MALT1: variants seen among roughly 807,000 people sequenced by gnomAD.
MALT1 encodes the protein MALT1 paracaspase.
A neutral mutation model predicts 85.5 loss-of-function variants in MALT1; 36 were observed. The observed-to-expected ratio is 0.42, with a 90% CI of 0.32 to 0.56. The LOEUF is 0.56. Among genes scored for constraint, MALT1 ranks in the 20% least tolerant of loss-of-function variants. MALT1 has a pLI of 0.10. For missense variants in MALT1, 716 were observed against 981.6 expected (o/e 0.73, Z 3.62); for synonymous variants, 359 against 361.3 (o/e 0.99, Z 0.07).
intron 9 of MALT1, among the ~76,000 whole-genome samples, chr18:58,717,746 CAAAAAAAAA>C (rs35207196): frequency 1.5e-4 from 15 of 100,558 alleles, no homozygotes; most frequent in African/African-American, 5.2e-4. Flanking sequence ...ACTCTTGTCT[CAAAAAAAAA>C]AAAAAAAAAA....
intron 10 of MALT1, among the ~76,000 whole-genome samples, chr18:58,729,034 A>C (rs1166981018): frequency 6.6e-6 from 1 of 152,220 alleles, no homozygotes. Flanking sequence ...AGAGACCTCC[A>C]GATCTGACCC....
chr18:58,677,213 T>G (rs2054253864), intron 1 of MALT1, among the ~76,000 whole-genome samples: 1 of 152,188 alleles, frequency 6.6e-6, no homozygotes, highest in African/African-American at 2.4e-5. Flanking sequence ...ATACAGAGTC[T>G]TCTTTTTCTC....
At chr18:58,680,479 C>G (rs1306431415) in intron 1 of MALT1, among the ~76,000 whole-genome samples, 3 of 152,072 alleles carry the variant, frequency 2.0e-5, no homozygotes, top group Non-Finnish European at 4.4e-5. Context: ...AACCTTGTAA[C>G]ACTGATTGTT....
intron 2 of MALT1, 77 bp from the exon 3 acceptor site, chr18:58,696,288 AT>A: frequency 8.7e-7 from 1 of 1,155,488 alleles, no homozygotes; most frequent in Non-Finnish European, 1.1e-6. Flanking sequence ...AAATGTTTCA[AT>A]TTTTGGTTTC....
chr18:58,750,976 TAAA>T lies in MALT1; in HGVS notation c.*3139_*3141del, dbSNP rs923567857. ...AATTTTTGAAAAATCATGTATCTGA[TAAA>T]AAAACAAACAAACATGCAGGTGCTC... On this transcript the variant is annotated 3_prime_UTR_variant, in exon 17 of 17. Transcript: ENST00000649217. The T allele has an allele frequency of 2.6e-5, 4 of 152,108 alleles. No homozygotes were observed. The highest frequency in any genetic ancestry group is 1.9e-4 in the East Asian group (1 of 5,200). The allele number at this position is 152,108 out of a possible 1,614,324, so 9.4% of individuals were successfully genotyped here. A position where few individuals can be genotyped will look rare whatever the true frequency, so the allele number is the denominator to read the frequency against.
chr18:58,709,412 A>T lies in MALT1; in HGVS notation c.684A>T (p.Gln228His), dbSNP rs903827144. Residue 228 changes from glutamine (Q) to histidine (H), a missense_variant, in exon 5 of 17, where the codon CAA becomes CAT. Physicochemically the swap from Gln to His is conservative, Grantham distance 24. Around this residue, in one of 4 missense-constraint regions of MALT1, gnomAD observed 290 missense variants for 380.5 expected, o/e 0.76. Transcript: ENST00000649217. ...SVDGVSESKL[Q>H]ICVEPTSQKL... Reference sequence around the variant, plus strand: ...ATGGCGTCTCTGAATCCAAGTTGCAAATCTGTGTTGAACCAACTTCCCAAA... The same window carrying T: ...ATGGCGTCTCTGAATCCAAGTTGCATATCTGTGTTGAACCAACTTCCCAAA... 21 of 1,605,112 alleles carry T rather than the reference A, an allele frequency of 1.3e-5. No homozygotes were observed. The highest frequency in any genetic ancestry group is 1.6e-5 in the Non-Finnish European group (19 of 1,176,098).
At chr18:58,715,019 A>T (rs577850937) in intron 8 of MALT1, among the ~76,000 whole-genome samples, 1 of 152,284 alleles carries the variant, frequency 6.6e-6, no homozygotes, top group East Asian at 1.9e-4. Context: ...GACACAGCAG[A>T]AAGTCCCCAT....
At chr18:58,681,052 T>C in intron 1 of MALT1, 118 bp from the exon 2 acceptor site, 1 of 736,102 alleles carries the variant, frequency 1.4e-6, no homozygotes, top group Non-Finnish European at 2.2e-6. Context: ...GAATAGTTTG[T>C]CACCACCCAC....
At chr18:58,718,437 CCA>C (rs2054934469) in intron 9 of MALT1, among the ~76,000 whole-genome samples, 1 of 152,212 alleles carries the variant, frequency 6.6e-6, no homozygotes, top group Non-Finnish European at 1.5e-5. Context: ...GCGAGCATTA[CCA>C]CCTGAGCTCT....
At chr18:58,689,028 C>G (rs920987859) in intron 2 of MALT1, among the ~76,000 whole-genome samples, 1 of 151,932 alleles carries the variant, frequency 6.6e-6, no homozygotes, top group Non-Finnish European at 1.5e-5. Flanking sequence ...GATGCACACC[C>G]GTAGACCCAG....
Position 58,747,786 on chromosome 18 carries a change from A to C in MALT1, c.2419A>C (p.Thr807Pro). ...TAGTAGAAGTAATGTGCCAGTAGAG[A>C]CAACTGATGAAATACCATTTAGTTT... is the stretch of plus-strand genomic sequence containing the variant. ...HFSRSNVPVE[T>P]TDEIPFSFSD... Residue 807 changes from threonine to proline, a missense_variant, in exon 17 of 17, where the codon ACA (threonine) becomes CCA (proline). Physicochemically the swap from Thr to Pro is conservative, Grantham distance 38 (BLOSUM62 -1). This residue lies in a region of MALT1 where 260 missense variants were observed against 323.7 expected (regional missense o/e 0.80). Transcript: ENST00000649217. 1 of 1,614,154 alleles carries C rather than the reference A, an allele frequency of 6.2e-7. No homozygotes were observed. Among genetic ancestry groups the C allele is most frequent in the Non-Finnish European group, 8.5e-7 (1 of 1,180,000 alleles).
intron 14 of MALT1, among the ~76,000 whole-genome samples, chr18:58,743,073 AAAT>A (rs771480245): frequency 2.6e-5 from 4 of 152,148 alleles, no homozygotes; most frequent in South Asian, 2.1e-4. Flanking sequence ...TTATTTTCAT[AAAT>A]AATAATTTTT....
chr18:58,731,794 A>G (rs1436938120), intron 10 of MALT1, among the ~76,000 whole-genome samples: 4 of 152,084 alleles, frequency 2.6e-5, no homozygotes, highest in Non-Finnish European at 4.4e-5. Context: ...GAATTCATGT[A>G]TGGAGATACA....
intron 13 of MALT1, among the ~76,000 whole-genome samples, chr18:58,735,722 C>T (rs1443354932): frequency 6.6e-6 from 1 of 152,114 alleles, no homozygotes; most frequent in East Asian, 1.9e-4. Context: ...TGAGCAGTCT[C>T]TCCCAGGATG....
At chr18:58,745,613 T>C in intron 15 of MALT1, 53 bp from the exon 16 acceptor site, 1 of 1,496,966 alleles carries the variant, frequency 6.7e-7, no homozygotes, top group Non-Finnish European at 9.3e-7. Context: ...CTAGATTATA[T>C]TGTGGCTTTC....
intron 6 of MALT1, 83 bp downstream of exon 6, chr18:58,710,155 A>C (rs757542640): frequency 1.7e-5 from 13 of 780,490 alleles, no homozygotes; most frequent in African/African-American, 3.5e-5. Context: ...AGCAAAGGAA[A>C]TTATACTTTT....
At chr18:58,742,828 G>C (rs1220376354) in intron 14 of MALT1, among the ~76,000 whole-genome samples, 1 of 152,208 alleles carries the variant, frequency 6.6e-6, no homozygotes, top group African/African-American at 2.4e-5. Flanking sequence ...TCGTATAACT[G>C]AGCATCCTCT....
At chr18:58,688,630 CAT>C (rs1251910854) in intron 2 of MALT1, among the ~76,000 whole-genome samples, 5 of 151,714 alleles carry the variant, frequency 3.3e-5, no homozygotes, top group Admixed American at 1.3e-4. Context: ...AGAACCTGGC[CAT>C]ATGATCCCTT....
At chr18:58,745,295 T>C (rs1568157839) in intron 15 of MALT1, among the ~76,000 whole-genome samples, 1 of 152,208 alleles carries the variant, frequency 6.6e-6, no homozygotes, top group Non-Finnish European at 1.5e-5. Context: ...TCTAATCATA[T>C]AAATTTCCCT....
Sources: allele counts gnomAD v4.1 joint callset (sites outside exome capture counted in the v4.1 genomes callset), GRCh38; gene constraint gnomAD v4.1.1; regional missense constraint gnomAD v4.1.1; transcripts MANE v1.5; gene names NCBI Gene and HGNC (gene_info 2026-07-23, HGNC 2026-07-21).